The following MPPED2 variants were observed in gnomAD, a reference collection of about 807,000 sequenced individuals.
MPPED2 encodes metallophosphoesterase MPPED2.
MPPED2 carries 5 observed loss-of-function variants against 33.0 expected under a neutral mutation model. The ratio of observed to expected loss-of-function variants is 0.15; its 90% CI spans 0.08 to 0.32. MPPED2 has a LOEUF of 0.32. Among genes scored for constraint, MPPED2 ranks in the 10% least tolerant of loss-of-function variants. The probability of loss-of-function intolerance (pLI) is 1.00; values close to 1 mark genes in which losing one functional copy is unlikely to be tolerated. For synonymous variants in MPPED2, 136 were observed against 141.9 expected, an observed-to-expected ratio of 0.96 and a Z score of 0.29; for missense variants, 275 against 372.1, an observed-to-expected ratio of 0.74 and a Z score of 2.15.
intron 3 of MPPED2, among the ~76,000 whole-genome samples, chr11:30,509,858 C>G (rs1953053520): frequency 6.6e-6 from 1 of 152,300 alleles, no homozygotes; most frequent in Admixed American, 6.5e-5. Context: ...CCAAGGTCAC[C>G]CAATGACTTA....
At chr11:30,493,777 C>T (rs570322354) in intron 4 of MPPED2, among the ~76,000 whole-genome samples, 51 of 152,314 alleles carry the variant, frequency 3.3e-4, no homozygotes, top group Non-Finnish European at 5.9e-4. Flanking sequence ...GCAAACTATC[C>T]GATATTCTCT....
At chr11:30,457,236 A>C (rs1950315599) in intron 4 of MPPED2, among the ~76,000 whole-genome samples, 2 of 152,154 alleles carry the variant, frequency 1.3e-5, no homozygotes, top group Non-Finnish European at 2.9e-5. Context: ...GAGACACAAT[A>C]AGGGAGAGGT....
At chr11:30,535,309 T>C (rs907725089) in intron 3 of MPPED2, among the ~76,000 whole-genome samples, 1 of 152,134 alleles carries the variant, frequency 6.6e-6, no homozygotes, top group African/African-American at 2.4e-5. Flanking sequence ...TTCTAAAATC[T>C]CAGAACATTT....
chr11:30,390,747 G>T (rs1947762886), intron 6 of MPPED2, among the ~76,000 whole-genome samples: 1 of 152,180 alleles, frequency 6.6e-6, no homozygotes, highest in African/African-American at 2.4e-5. Context: ...GTTTTGCCTG[G>T]CAGCTGCATT....
intron 4 of MPPED2, among the ~76,000 whole-genome samples, chr11:30,452,450 T>A (rs1299392420): frequency 6.6e-6 from 1 of 152,238 alleles, no homozygotes; most frequent in Non-Finnish European, 1.5e-5. Context: ...TGCAGTTTTG[T>A]AATTCATGAT....
intron 4 of MPPED2, among the ~76,000 whole-genome samples, chr11:30,478,244 T>C (rs956867134): frequency 4.6e-5 from 7 of 152,122 alleles, no homozygotes; most frequent in African/African-American, 1.7e-4. Context: ...CTTAGTTTGT[T>C]AGGAGCTTAT....
chr11:30,515,842 A>G (rs1799286253), intron 3 of MPPED2, among the ~76,000 whole-genome samples: 1 of 152,182 alleles, frequency 6.6e-6, no homozygotes, highest in South Asian at 2.1e-4. Flanking sequence ...TTAAAATCCC[A>G]TCAAGCGAAG....
At chr11:30,477,721 T>A (rs1441719740) in intron 4 of MPPED2, among the ~76,000 whole-genome samples, 1 of 152,136 alleles carries the variant, frequency 6.6e-6, no homozygotes, top group Non-Finnish European at 1.5e-5. Flanking sequence ...ATGCTGGCTA[T>A]AAAACATGTT....
intron 2 of MPPED2, among the ~76,000 whole-genome samples, chr11:30,568,588 C>T (rs1387176196): frequency 6.6e-6 from 1 of 152,170 alleles, no homozygotes; most frequent in Non-Finnish European, 1.5e-5. Flanking sequence ...ATAAACCCCT[C>T]ATAAAGACAG....
intron 4 of MPPED2, among the ~76,000 whole-genome samples, chr11:30,471,120 C>T (rs957395170): frequency 3.9e-5 from 6 of 152,164 alleles, no homozygotes; most frequent in African/African-American, 1.4e-4. Context: ...TGCCCTCAGC[C>T]CATTAGTTCT....
chr11:30,492,932 C>T (rs1023516732), intron 4 of MPPED2, among the ~76,000 whole-genome samples: 2 of 152,068 alleles, frequency 1.3e-5, no homozygotes, highest in African/African-American at 4.8e-5. Flanking sequence ...GTGCCCATCT[C>T]CTAAAGGTAT....
In MPPED2 at chr11:30,520,124, A is replaced by C. The variant is rs561405563; in HGVS notation, c.310+15870T>G. 9.8e-5 allele frequency among the ~76,000 whole-genome samples: 15 copies of C among 152,328 alleles called. No individual in the cohort carries two copies. In the East Asian group the frequency reaches 2.1e-3, roughly 22 times the overall value. Reference sequence around the variant, plus strand: ...AAACGGCAGCGAGAAGGGAGACAACACAGTTTAATTGTACACGTTTATCCT... The same window carrying C: ...AAACGGCAGCGAGAAGGGAGACAACCCAGTTTAATTGTACACGTTTATCCT... On this transcript the variant is annotated intron_variant, in intron 3 of 6. Transcript: ENST00000358117.
chr11:30,466,621 G>A, intron 4 of MPPED2, among the ~76,000 whole-genome samples: 1 of 152,212 alleles, frequency 6.6e-6, no homozygotes, highest in East Asian at 1.9e-4. Flanking sequence ...AAGGATCAGG[G>A]TAGCCATTGA....
chr11:30,517,523 A>C (rs146722658), intron 3 of MPPED2, among the ~76,000 whole-genome samples: 2 of 152,324 alleles, frequency 1.3e-5, no homozygotes, highest in Non-Finnish European at 2.9e-5. Flanking sequence ...TATATATTTG[A>C]TGAACCAATC....
intron 6 of MPPED2, among the ~76,000 whole-genome samples, chr11:30,395,735 A>G (rs1173111051): frequency 6.6e-6 from 1 of 152,218 alleles, no homozygotes; most frequent in Non-Finnish European, 1.5e-5. Flanking sequence ...ATCAAGGATT[A>G]TAAGTCTTTA....
intron 2 of MPPED2, among the ~76,000 whole-genome samples, chr11:30,561,081 G>C (rs182618724): frequency 2.1e-4 from 32 of 152,244 alleles, no homozygotes; most frequent in Admixed American, 1.0e-3. Context: ...TAGCCAAAAG[G>C]AGTGTTCTGC....
chr11:30,463,506 G>A (rs888368089), intron 4 of MPPED2, among the ~76,000 whole-genome samples: 3 of 152,186 alleles, frequency 2.0e-5, no homozygotes, highest in Non-Finnish European at 2.9e-5. Flanking sequence ...GAGCATAGGA[G>A]CCAAATCAGC....
chr11:30,483,597 T>C (rs1180465090), intron 4 of MPPED2, among the ~76,000 whole-genome samples: 1 of 152,210 alleles, frequency 6.6e-6, no homozygotes, highest in African/African-American at 2.4e-5. Context: ...TTTTATTTTG[T>C]TCTTCAAAGA....
intron 3 of MPPED2, among the ~76,000 whole-genome samples, chr11:30,514,993 G>A (rs1202976486): frequency 3.3e-5 from 5 of 152,154 alleles, no homozygotes; most frequent in Non-Finnish European, 5.9e-5. Context: ...TACTCAGGGG[G>A]CTGAGGCAGG....
Sources: allele counts gnomAD v4.1 joint callset (sites outside exome capture counted in the v4.1 genomes callset), GRCh38; gene constraint gnomAD v4.1.1; transcripts MANE v1.5; gene names NCBI Gene and HGNC (gene_info 2026-07-23, HGNC 2026-07-21).